MAP3K5: variants seen among roughly 807,000 people sequenced by gnomAD.
The protein encoded by MAP3K5 is ASK-1.
Under a neutral mutation model 158.7 loss-of-function variants are expected in MAP3K5, and 56 were observed. The observed-to-expected ratio is 0.35, with a 90% confidence interval of 0.28 to 0.44. The LOEUF (loss-of-function observed/expected upper bound fraction) is 0.44. Ranked by LOEUF, MAP3K5 falls within the 20% of genes least tolerant of loss-of-function variation. MAP3K5 has a pLI of 1.00. For synonymous variants in MAP3K5, 579 were observed against 601.7 expected, an observed-to-expected ratio of 0.96 and a Z score of 0.55; for missense variants, 1,294 against 1,674.8, an observed-to-expected ratio of 0.77 and a Z score of 3.97.
At chr6:136,686,913 G>GA (rs1358907695) in intron 7 of MAP3K5, among the ~76,000 whole-genome samples, 2 of 152,068 alleles carry the variant, frequency 1.3e-5, no homozygotes, top group East Asian at 1.9e-4. Context: ...CACAGAATTA[G>GA]AAAAAACTAC....
intron 14 of MAP3K5, among the ~76,000 whole-genome samples, chr6:136,634,918 CTT>C (rs1163264584): frequency 1.4e-5 from 2 of 145,830 alleles, no homozygotes; most frequent in African/African-American, 5.1e-5. Context: ...GAGTTTTGCT[CTT>C]GTCACCCAGG....
chr6:136,677,132 A>ATTTTT (rs1214152994), intron 7 of MAP3K5, among the ~76,000 whole-genome samples: 6 of 93,392 alleles, frequency 6.4e-5, no homozygotes, highest in Admixed American at 1.2e-4. Context: ...GATGATATCC[A>ATTTTT]TTTTTTTTTT....
At chr6:136,632,507 A>T (rs1006891248) in intron 14 of MAP3K5, among the ~76,000 whole-genome samples, 41 of 151,952 alleles carry the variant, frequency 2.7e-4, no homozygotes, top group African/African-American at 9.7e-4. Flanking sequence ...ACAGAGTGAG[A>T]CTCTGTATCA....
chr6:136,754,854 G>A (rs1258124394), intron 1 of MAP3K5, among the ~76,000 whole-genome samples: 2 of 152,076 alleles, frequency 1.3e-5, no homozygotes, highest in Non-Finnish European at 2.9e-5. Flanking sequence ...CGGGGCTGAG[G>A]CACGTTCCTG....
chr6:136,791,801 C>G lies in MAP3K5; in HGVS notation c.357G>C (p.Ala119=), dbSNP rs1382643187. ...ESEALQSLRE[A]CETVGATLET... ...CCAGGGTGGCGCCCACTGTCTCGCA[C>G]GCCTCCCGCAAGCTCTGCAGGGCCT... Residue 119 remains alanine (A), a synonymous_variant, in exon 1 of 30, where the codon GCG becomes GCC. Transcript: ENST00000359015. 6.2e-7 allele frequency: 1 copy of G among 1,613,780 alleles called. No individual in the cohort carries two copies. Among genetic ancestry groups the G allele is most frequent in the East Asian group, 2.2e-5 (1 of 44,882 alleles).
intron 1 of MAP3K5, among the ~76,000 whole-genome samples, chr6:136,744,443 G>A (rs960421721): frequency 1.3e-5 from 2 of 151,938 alleles, no homozygotes; most frequent in Non-Finnish European, 2.9e-5. Flanking sequence ...TCTGTTCATG[G>A]TGTCAGGGTT....
chr6:136,754,898 T>C (rs1783404679), intron 1 of MAP3K5, among the ~76,000 whole-genome samples: 1 of 152,094 alleles, frequency 6.6e-6, no homozygotes, highest in African/African-American at 2.4e-5. Flanking sequence ...GCTTCAGATG[T>C]TGGGGAAACC....
chr6:136,598,470 T>C (rs1351738796), intron 21 of MAP3K5, among the ~76,000 whole-genome samples: 3 of 152,250 alleles, frequency 2.0e-5, no homozygotes, highest in African/African-American at 7.2e-5. Context: ...GAACTCTGTC[T>C]TTATCATCCT....
chr6:136,753,061 T>C (rs1783293699), intron 1 of MAP3K5, among the ~76,000 whole-genome samples: 1 of 151,526 alleles, frequency 6.6e-6, no homozygotes, highest in African/African-American at 2.4e-5. Context: ...CTCCAACACT[T>C]TCTCTTTCCT....
chr6:136,620,068 G>A (rs1321016858), intron 15 of MAP3K5, among the ~76,000 whole-genome samples: 2 of 152,130 alleles, frequency 1.3e-5, no homozygotes, highest in Non-Finnish European at 2.9e-5. Flanking sequence ...GCAGGAGTTC[G>A]AGACCAGCCT....
chr6:136,643,164 T>C (rs1778072959), intron 11 of MAP3K5, among the ~76,000 whole-genome samples: 1 of 152,194 alleles, frequency 6.6e-6, no homozygotes, highest in South Asian at 2.1e-4. Context: ...ATCAAAAATT[T>C]GATTGTCATA....
chr6:136,606,628 G>A lies in MAP3K5; in HGVS notation c.2522-1262C>T, dbSNP rs1050332650. On this transcript the variant is annotated intron_variant, in intron 18 of 29. Coordinates refer to ENST00000359015, the MANE Select transcript of MAP3K5 (RefSeq NM_005923.4). ...GGAGCATGAATAGAAACATATCACC[G>A]CATACCCTGCTTCTGATATACAAAT... is the stretch of plus-strand genomic sequence containing the variant. 4.6e-5 allele frequency among the ~76,000 whole-genome samples: 7 copies of A among 152,222 alleles called. No homozygotes were observed. In the South Asian group the frequency reaches 6.2e-4, roughly 14 times the overall value.
chr6:136,682,630 A>G (rs1162367700), intron 7 of MAP3K5, among the ~76,000 whole-genome samples: 1 of 152,200 alleles, frequency 6.6e-6, no homozygotes, highest in African/African-American at 2.4e-5. Flanking sequence ...CTAAAAACAG[A>G]CTTAATGCTT....
chr6:136,751,069 C>G (rs957096566), intron 1 of MAP3K5, among the ~76,000 whole-genome samples: 2 of 151,730 alleles, frequency 1.3e-5, no homozygotes, highest in Non-Finnish European at 2.9e-5. Context: ...ACTTCATCCC[C>G]GAGTAGCATT....
intron 4 of MAP3K5, 137 bp from the exon 5 acceptor site, chr6:136,697,524 C>T (rs1780652397): frequency 1.7e-6 from 1 of 593,030 alleles, no homozygotes; most frequent in Non-Finnish European, 2.8e-6. Flanking sequence ...ATTCAGATGC[C>T]TAAATAAATA....
intron 1 of MAP3K5, among the ~76,000 whole-genome samples, chr6:136,777,876 C>G (rs1350328598): frequency 6.6e-6 from 1 of 151,950 alleles, no homozygotes; most frequent in East Asian, 1.9e-4. Context: ...CACTCCACAT[C>G]ATCAACAAGC....
intron 25 of MAP3K5, among the ~76,000 whole-genome samples, chr6:136,575,054 A>T (rs1774549896): frequency 6.6e-6 from 1 of 152,122 alleles, no homozygotes; most frequent in African/African-American, 2.4e-5. Context: ...TTGCAAAAAT[A>T]GTGCAGAGAG....
At chr6:136,786,938 G>A (rs1366905545) in intron 1 of MAP3K5, among the ~76,000 whole-genome samples, 1 of 151,644 alleles carries the variant, frequency 6.6e-6, no homozygotes, top group Non-Finnish European at 1.5e-5. Context: ...CCGAGTAGCT[G>A]GGAATAAGTT....
In MAP3K5 at chr6:136,656,372, C is replaced by A. The variant is rs1426795695; in HGVS notation, c.1615G>T (p.Val539Leu). The part of the protein sequence containing the change: ...TEQPVAKQEL[V>L]DFWMDFLVEA... ...ACCAGGAAATCCATCCAAAAGTCCA[C>A]AAGTTCTTGCTTGGCCACAGGCTGT... The change falls in exon 10 of 30, where the codon GTG becomes TTG. Residue 539 changes from valine to leucine, a missense_variant. By Grantham distance (32) the Val-to-Leu change is conservative (BLOSUM62 1). Coordinates refer to ENST00000359015, the MANE Select transcript of MAP3K5 (RefSeq NM_005923.4). 15 of 1,613,910 alleles carry A rather than the reference C, an allele frequency of 9.3e-6. No homozygotes were observed. The highest frequency in any genetic ancestry group is 1.7e-5 in the Admixed American group (1 of 60,026).
Sources: gnomAD v4.1 joint callset for allele counts (sites outside exome capture counted in the v4.1 genomes callset) on GRCh38, gnomAD v4.1.1 for gene constraint, MANE v1.5 for transcripts, NCBI Gene and HGNC (gene_info 2026-07-23, HGNC 2026-07-21) for gene names.